MYO1D: variants seen among roughly 807,000 people sequenced by gnomAD.
MYO1D encodes myosin ID, also known as unconventional myosin-Id.
MYO1D carries 83 observed loss-of-function variants against 122.0 expected under a neutral mutation model. The ratio of observed to expected loss-of-function variants is 0.68; its 90% CI spans 0.57 to 0.82. MYO1D has a LOEUF of 0.82. MYO1D is among the 40% of genes least tolerant of loss of function. The pLI, the probability that MYO1D is intolerant of heterozygous loss-of-function variation, is 0.00. For missense variants in MYO1D, 1,157 were observed against 1,269.5 expected (o/e 0.91, Z 1.35); for synonymous variants, 464 against 446.9 (o/e 1.04, Z -0.48).
intron 21 of MYO1D, among the ~76,000 whole-genome samples, chr17:32,508,920 C>G (rs1909590986): frequency 6.6e-6 from 1 of 152,236 alleles, no homozygotes; most frequent in Admixed American, 6.5e-5. Flanking sequence ...TCCCTATCAA[C>G]AGCTCCTCGT....
chr17:32,760,715 C>T, intron 8 of MYO1D, 88 bp from the exon 9 acceptor site: 2 of 1,353,750 alleles, frequency 1.5e-6, no homozygotes, highest in South Asian at 1.4e-5. Context: ...TTCCTGTCCA[C>T]CTTCTCACTG....
chr17:32,843,960 T>C (rs752264150), intron 1 of MYO1D, among the ~76,000 whole-genome samples: 1 of 151,838 alleles, frequency 6.6e-6, no homozygotes, highest in Non-Finnish European at 1.5e-5. Context: ...CTTCTAGGAA[T>C]CTATATTAAG....
chr17:32,678,529 A>G (rs999451337), intron 16 of MYO1D, among the ~76,000 whole-genome samples: 61 of 150,496 alleles, frequency 4.1e-4, no homozygotes, highest in Admixed American at 1.5e-3. Context: ...TGTTCTTGCG[A>G]TAGTTTACTG....
chr17:32,820,575 T>C (rs2090652261), intron 1 of MYO1D, among the ~76,000 whole-genome samples: 1 of 152,102 alleles, frequency 6.6e-6, no homozygotes, highest in Admixed American at 6.5e-5. Flanking sequence ...TCTAAAAAGT[T>C]GAACTCAAGG....
chr17:32,857,206 ATAAT>A (rs948951755), intron 1 of MYO1D, among the ~76,000 whole-genome samples: 2 of 152,212 alleles, frequency 1.3e-5, no homozygotes, highest in Non-Finnish European at 2.9e-5. Flanking sequence ...AGCTGCCCCA[ATAAT>A]TAGTTTCCTT....
intron 8 of MYO1D, 99 bp from the exon 9 acceptor site, chr17:32,760,726 T>TA: frequency 7.8e-7 from 1 of 1,276,878 alleles, no homozygotes. Context: ...CTTCTCACTG[T>TA]TTAGCATAGC....
intron 21 of MYO1D, among the ~76,000 whole-genome samples, chr17:32,540,718 G>C (rs1910812318): frequency 6.6e-6 from 1 of 151,940 alleles, no homozygotes; most frequent in Non-Finnish European, 1.5e-5. Flanking sequence ...TTGAGGTCAG[G>C]AGTTCGAGAC....
At chr17:32,672,408 T>G (rs2088734130) in intron 16 of MYO1D, among the ~76,000 whole-genome samples, 1 of 152,236 alleles carries the variant, frequency 6.6e-6, no homozygotes, top group Non-Finnish European at 1.5e-5. Context: ...GAAGCTTGGT[T>G]TCAAACATAA....
At chr17:32,817,779 G>A (rs1027568660) in intron 1 of MYO1D, among the ~76,000 whole-genome samples, 1 of 152,146 alleles carries the variant, frequency 6.6e-6, no homozygotes, top group Non-Finnish European at 1.5e-5. Flanking sequence ...ACCCTATATG[G>A]TATGCACTTT....
intron 20 of MYO1D, among the ~76,000 whole-genome samples, chr17:32,624,950 C>G (rs551354281): frequency 6.6e-6 from 1 of 152,190 alleles, no homozygotes; most frequent in African/African-American, 2.4e-5. Flanking sequence ...GCCACTATGT[C>G]CAGCTAATTT....
chr17:32,716,614 G>GA (rs200606916), intron 15 of MYO1D, among the ~76,000 whole-genome samples: 1 of 152,156 alleles, frequency 6.6e-6, no homozygotes, highest in African/African-American at 2.4e-5. Flanking sequence ...AATGTCACAT[G>GA]AAAAAAAGTG....
At chr17:32,859,321 T>C (rs758514563) in intron 1 of MYO1D, among the ~76,000 whole-genome samples, 3 of 152,188 alleles carry the variant, frequency 2.0e-5, no homozygotes, top group Non-Finnish European at 4.4e-5. Flanking sequence ...TTTACTTGTT[T>C]GTCAATCTCC....
At chr17:32,823,427 A>T (rs933162182) in intron 1 of MYO1D, among the ~76,000 whole-genome samples, 1 of 152,162 alleles carries the variant, frequency 6.6e-6, no homozygotes, top group Non-Finnish European at 1.5e-5. Flanking sequence ...AACTTTGGGT[A>T]ACTTGCCTAA....
intron 16 of MYO1D, among the ~76,000 whole-genome samples, chr17:32,692,042 C>G (rs1378122249): frequency 6.6e-6 from 1 of 152,040 alleles, no homozygotes; most frequent in Admixed American, 6.6e-5. Flanking sequence ...TAGGAGGGAC[C>G]TTTTGTATAT....
chr17:32,564,085 G>A (rs978323499), intron 21 of MYO1D, among the ~76,000 whole-genome samples: 2 of 152,256 alleles, frequency 1.3e-5, no homozygotes, highest in South Asian at 2.1e-4. Flanking sequence ...AGCAGATAAT[G>A]TACAGAAGTA....
intron 1 of MYO1D, among the ~76,000 whole-genome samples, chr17:32,873,823 A>G (rs1184996129): frequency 6.6e-6 from 1 of 152,216 alleles, no homozygotes; most frequent in Admixed American, 6.5e-5. Flanking sequence ...ATACAAATAC[A>G]TATACATCTG....
intron 1 of MYO1D, among the ~76,000 whole-genome samples, chr17:32,853,278 GATTAT>G (rs1208978931): frequency 1.3e-5 from 2 of 152,130 alleles, no homozygotes; most frequent in African/African-American, 4.8e-5. Context: ...TCAGTCATGT[GATTAT>G]ATATCTCCTT....
intron 1 of MYO1D, chr17:32,792,640 ATTTTT>A (rs966050608): frequency 2.0e-5 from 3 of 151,956 alleles, no homozygotes; most frequent in Non-Finnish European, 4.4e-5. Context: ...GCTTTATTTT[ATTTTT>A]GTTTTTATTT....
rs184085931 is a variant in MYO1D at position 32,718,569 on chromosome 17, C to T, written c.1913+2454G>A. ...AAAAAAAATTAGCTGGGTGTGGTGA[C>T]GCGCCCCTGTAATCCCAGCTATTTG... On this transcript the variant is annotated intron_variant, in intron 15 of 21. Transcript: ENST00000318217. 2.0e-4 allele frequency among the ~76,000 whole-genome samples: 31 copies of T among 151,998 alleles called. No individual in the cohort carries two copies. The East Asian group carries it at 3.9e-3, about 19-fold the overall frequency.
Sources: allele counts gnomAD v4.1 joint callset (sites outside exome capture counted in the v4.1 genomes callset), GRCh38; gene constraint gnomAD v4.1.1; transcripts MANE v1.5; gene names NCBI Gene and HGNC (gene_info 2026-07-23, HGNC 2026-07-21).